Variants in FAM13C observed in about 807,000 individuals in gnomAD.
FAM13C encodes family with sequence similarity 13 member C, also known as protein FAM13C.
In FAM13C, 37 loss-of-function variants were observed where a neutral mutation model predicts 73.2. The observed-to-expected ratio is 0.51, with a 90% CI of 0.39 to 0.67. The LOEUF is 0.67. FAM13C is among the 30% of genes least tolerant of loss of function. The probability of loss-of-function intolerance (pLI) is 0.00; values close to 1 mark genes in which losing one functional copy is unlikely to be tolerated. For missense variants in FAM13C, 589 were observed against 715.6 expected (o/e 0.82, Z 2.02); for synonymous variants, 246 against 260.9 (o/e 0.94, Z 0.55).
In FAM13C at chr10:59,336,492, C is replaced by G. The variant is rs113519529; in HGVS notation, c.325-12386G>C. Among the ~76,000 whole-genome samples the G allele has an allele frequency of 7.3e-3, 1,108 of 152,308 alleles. 13 individuals are homozygous for G. The highest frequency in any genetic ancestry group is 0.026 in the African/African-American group (1,070 of 41,570). ...TCATTTCTTGCTGCATTCACTTCCA[C>G]TCCTAGAGCTGACTTCTTGGCTTCT... is the stretch of plus-strand genomic sequence containing the variant. On this transcript the variant is annotated intron_variant, in intron 3 of 13. Coordinates refer to ENST00000618804, the MANE Select transcript of FAM13C (RefSeq NM_198215.4).
chr10:59,252,206 A>C (rs960695995), intron 12 of FAM13C, among the ~76,000 whole-genome samples: 1 of 152,068 alleles, frequency 6.6e-6, no homozygotes, highest in Admixed American at 6.6e-5. Flanking sequence ...AAAGTCATAT[A>C]CTCTAGAGCA....
intron 5 of FAM13C, among the ~76,000 whole-genome samples, chr10:59,284,790 GC>G (rs1442862706): frequency 1.2e-4 from 18 of 144,124 alleles, no homozygotes; most frequent in Non-Finnish European, 6.1e-5. Flanking sequence ...CTCACATCCA[GC>G]CCCCGAAACC....
chr10:59,318,768 G>A (rs555719138), intron 4 of FAM13C, among the ~76,000 whole-genome samples: 3 of 152,042 alleles, frequency 2.0e-5, no homozygotes, highest in South Asian at 4.2e-4. Context: ...TTATCCAACC[G>A]TATACCAGGG....
intron 3 of FAM13C, among the ~76,000 whole-genome samples, chr10:59,347,016 A>C (rs975798511): frequency 6.6e-6 from 1 of 152,150 alleles, no homozygotes; most frequent in South Asian, 2.1e-4. Flanking sequence ...CCTAAAACCT[A>C]TCTTTCCAGG....
chr10:59,355,474 A>G (rs1007765418), intron 2 of FAM13C, among the ~76,000 whole-genome samples: 1 of 152,218 alleles, frequency 6.6e-6, no homozygotes, highest in Admixed American at 6.5e-5. Context: ...AAGGGCTTGG[A>G]ACAAAGTAAA....
intron 3 of FAM13C, among the ~76,000 whole-genome samples, chr10:59,334,210 T>C (rs1272172561): frequency 2.6e-5 from 4 of 152,050 alleles, no homozygotes; most frequent in African/African-American, 9.7e-5. Context: ...GGGATAAAAA[T>C]AAGGAGGAAA....
chr10:59,265,322 C>CGGCGGG (rs775372228), intron 8 of FAM13C, among the ~76,000 whole-genome samples: 1 of 17,550 alleles, frequency 5.7e-5, no homozygotes, highest in African/African-American at 4.0e-4. Flanking sequence ...GGGGTTTTGG[C>CGGCGGG]GGGGGGGGGG....
chr10:59,268,367 A>G (rs2133539649), intron 8 of FAM13C, among the ~76,000 whole-genome samples, 186 bp downstream of exon 8: 1 of 152,320 alleles, frequency 6.6e-6, no homozygotes, highest in Middle Eastern at 3.4e-3. Flanking sequence ...CCTAGCAGAG[A>G]TCAACTGACA....
intron 4 of FAM13C, among the ~76,000 whole-genome samples, chr10:59,309,242 G>C (rs1317518107): frequency 6.6e-6 from 1 of 151,730 alleles, no homozygotes; most frequent in Non-Finnish European, 1.5e-5. Context: ...CTCTACCACT[G>C]CCATCTGGGG....
At chr10:59,345,437 C>T (rs1479897231) in intron 3 of FAM13C, among the ~76,000 whole-genome samples, 5 of 152,204 alleles carry the variant, frequency 3.3e-5, no homozygotes, top group South Asian at 2.1e-4. Context: ...AAACTAAGTA[C>T]ATCACTTCAT....
chr10:59,248,838 C>T (rs952281635), intron 13 of FAM13C, among the ~76,000 whole-genome samples: 6 of 152,162 alleles, frequency 3.9e-5, no homozygotes, highest in African/African-American at 1.4e-4. Context: ...TGTATTTCAA[C>T]ACTATTTATT....
chr10:59,278,728 A>G (rs1037809069), intron 6 of FAM13C, among the ~76,000 whole-genome samples: 2 of 152,010 alleles, frequency 1.3e-5, no homozygotes, highest in Admixed American at 6.6e-5. Flanking sequence ...ATGAAGTACT[A>G]CTTTCCATAA....
Position 59,322,720 on chromosome 10 carries a change from A to C in FAM13C, c.443+1268T>G, listed in dbSNP as rs1324247378. Among the ~76,000 whole-genome samples the C allele has an allele frequency of 2.6e-5, 4 of 152,064 alleles. No individual in the cohort carries two copies. The South Asian group carries it at 8.3e-4, about 32-fold the overall frequency. On this transcript the variant is annotated intron_variant, in intron 4 of 13. Coordinates refer to ENST00000618804, the MANE Select transcript of FAM13C (RefSeq NM_198215.4). ...TATATTATTTTGAAATATGCATGGG[A>C]ATAATAGTTGACTTTCTTCTTTCTG... is the stretch of plus-strand genomic sequence containing the variant.
At chr10:59,267,888 T>C (rs959669763) in intron 8 of FAM13C, among the ~76,000 whole-genome samples, 2 of 152,200 alleles carry the variant, frequency 1.3e-5, no homozygotes, top group African/African-American at 4.8e-5. Flanking sequence ...TGGTCACTAC[T>C]GGAGAAAATA....
intron 3 of FAM13C, among the ~76,000 whole-genome samples, chr10:59,329,317 T>G (rs536689065): frequency 5.1e-4 from 77 of 150,620 alleles, no homozygotes; most frequent in African/African-American, 1.8e-3. Flanking sequence ...GATTCCATTT[T>G]TTTTTCTTTT....
intron 3 of FAM13C, among the ~76,000 whole-genome samples, chr10:59,342,573 AC>A (rs1853654229): frequency 6.6e-6 from 1 of 152,180 alleles, no homozygotes; most frequent in Non-Finnish European, 1.5e-5. Context: ...ACGTAAGTAT[AC>A]CCCATGCAAT....
At chr10:59,292,569 T>C (rs963694005) in intron 5 of FAM13C, among the ~76,000 whole-genome samples, 1 of 152,262 alleles carries the variant, frequency 6.6e-6, no homozygotes, top group Non-Finnish European at 1.5e-5. Context: ...GAATATTTAT[T>C]AGAAATCAGT....
intron 3 of FAM13C, 55 bp from the exon 4 acceptor site, chr10:59,324,161 G>T (rs1460503785): frequency 7.3e-7 from 1 of 1,363,144 alleles, no homozygotes; most frequent in Non-Finnish European, 1.0e-6. Flanking sequence ...CAGTTCCATA[G>T]CATTATTATG....
At chr10:59,303,167 C>T (rs1847798780) in intron 4 of FAM13C, among the ~76,000 whole-genome samples, 1 of 152,194 alleles carries the variant, frequency 6.6e-6, no homozygotes, top group Non-Finnish European at 1.5e-5. Flanking sequence ...AACCTTCACA[C>T]TTGCTGTGCC....
Sources: gnomAD v4.1 joint callset for allele counts (sites outside exome capture counted in the v4.1 genomes callset) on GRCh38, gnomAD v4.1.1 for gene constraint, MANE v1.5 for transcripts, NCBI Gene and HGNC (gene_info 2026-07-23, HGNC 2026-07-21) for gene names.